Variants in PREX2 observed in about 807,000 individuals in gnomAD.
PREX2 encodes the protein phosphatidylinositol 3,4,5-trisphosphate-dependent Rac exchanger 2 protein.
Under a neutral mutation model 203.2 loss-of-function variants are expected in PREX2, and 107 were observed. The ratio of observed to expected loss-of-function variants is 0.53; its 90% confidence interval spans 0.45 to 0.62. The LOEUF (loss-of-function observed/expected upper bound fraction) is 0.62. PREX2 is among the 20% of genes least tolerant of loss of function. PREX2 has a pLI of 0.00. For synonymous variants in PREX2, 672 were observed against 663.6 expected (o/e 1.01, Z -0.19); for missense variants, 1,777 against 1,955.9 (o/e 0.91, Z 1.72).
At chr8:68,014,606 C>T (rs1254559228) in intron 1 of PREX2, among the ~76,000 whole-genome samples, 1 of 152,150 alleles carries the variant, frequency 6.6e-6, no homozygotes, top group Non-Finnish European at 1.5e-5. Context: ...GAGGCACGTC[C>T]TCTGCGGGGT....
At chr8:68,150,209 TG>T (rs1811406082) in intron 34 of PREX2, among the ~76,000 whole-genome samples, 1 of 152,200 alleles carries the variant, frequency 6.6e-6, no homozygotes. Context: ...CATGTCTTTG[TG>T]TAGGGACTGG....
chr8:67,986,404 C>A (rs1806425825), intron 1 of PREX2, among the ~76,000 whole-genome samples: 1 of 151,952 alleles, frequency 6.6e-6, no homozygotes, highest in Non-Finnish European at 1.5e-5. Flanking sequence ...CCTGGGCATG[C>A]CGGGAGCGTA....
intron 15 of PREX2, among the ~76,000 whole-genome samples, chr8:68,079,951 T>C (rs1389439002): frequency 6.6e-6 from 1 of 151,704 alleles, no homozygotes; most frequent in Non-Finnish European, 1.5e-5. Flanking sequence ...GTTTGAAGTA[T>C]TGGAACAAAA....
At chr8:67,960,859 G>A (rs139675831) in intron 1 of PREX2, among the ~76,000 whole-genome samples, 72 of 151,780 alleles carry the variant, frequency 4.7e-4, no homozygotes, top group African/African-American at 1.7e-3. Context: ...GTGGATGTAT[G>A]ATAGGCTTTG....
chr8:68,190,388 A>G (rs1812267730), intron 35 of PREX2, among the ~76,000 whole-genome samples: 1 of 152,112 alleles, frequency 6.6e-6, no homozygotes, highest in Non-Finnish European at 1.5e-5. Context: ...AATGCTCAAA[A>G]CGGCATAATA....
intron 32 of PREX2, among the ~76,000 whole-genome samples, chr8:68,136,543 A>G (rs951881449): frequency 6.6e-6 from 1 of 152,164 alleles, no homozygotes; most frequent in African/African-American, 2.4e-5. Flanking sequence ...TGTAGCTCTC[A>G]AAGGCCACAC....
intron 1 of PREX2, among the ~76,000 whole-genome samples, chr8:67,985,609 G>C (rs1380645852): frequency 6.6e-6 from 1 of 152,092 alleles, no homozygotes; most frequent in Non-Finnish European, 1.5e-5. Context: ...TTTCTTCTGG[G>C]ACACCAAGCT....
rs201064899 is a variant in PREX2, at chr8:68,236,396, C to G, written c.*5018C>G. 4.6e-5 allele frequency: 7 copies of G among 152,268 alleles called. No homozygotes were observed. The East Asian group carries it at 1.3e-3, about 29-fold the overall frequency. The allele number at this position is 152,268 out of a possible 1,614,324, so 9.4% of individuals were successfully genotyped here. The stretch of plus-strand genomic sequence containing the variant: ...TTTGTGCAAGGCACAGCTGTTGGGG[C>G]TGGTATATGTGTGGACATGTTTGAT... On this transcript the variant is annotated 3_prime_UTR_variant, in exon 40 of 40. Coordinates refer to ENST00000288368, the MANE Select transcript of PREX2 (RefSeq NM_024870.4).
chr8:68,219,034 G>T (rs2129615354), intron 38 of PREX2, among the ~76,000 whole-genome samples: 1 of 152,268 alleles, frequency 6.6e-6, no homozygotes, highest in South Asian at 2.1e-4. Context: ...TGAGATTTAG[G>T]TTGCTAAGAA....
chr8:68,063,409 T>C (rs758360851), intron 11 of PREX2, among the ~76,000 whole-genome samples: 1 of 152,012 alleles, frequency 6.6e-6, no homozygotes, highest in Non-Finnish European at 1.5e-5. Context: ...GTACAGGCTA[T>C]TAAAAAAACA....
At chr8:68,165,995 G>T (rs1811754441) in intron 35 of PREX2, among the ~76,000 whole-genome samples, 1 of 152,214 alleles carries the variant, frequency 6.6e-6, no homozygotes, top group African/African-American at 2.4e-5. Context: ...GACCACTGGT[G>T]CCTAACTGGC....
chr8:68,057,862 T>A (rs1289741418), intron 10 of PREX2, among the ~76,000 whole-genome samples: 1 of 152,206 alleles, frequency 6.6e-6, no homozygotes, highest in Non-Finnish European at 1.5e-5. Flanking sequence ...ATAGCTATTA[T>A]AGAAAGTTAG....
At chr8:68,081,420 T>C (rs1809520041) in intron 17 of PREX2, among the ~76,000 whole-genome samples, 1 of 151,926 alleles carries the variant, frequency 6.6e-6, no homozygotes, top group Non-Finnish European at 1.5e-5. Flanking sequence ...TGTCCTAGAG[T>C]CCTTCAACTG....
At chr8:67,982,159 G>A (rs1053133473) in intron 1 of PREX2, among the ~76,000 whole-genome samples, 15 of 152,106 alleles carry the variant, frequency 9.9e-5, no homozygotes, top group East Asian at 1.9e-4. Flanking sequence ...CTCTGCATGC[G>A]GTGGCTCACA....
intron 1 of PREX2, among the ~76,000 whole-genome samples, chr8:67,989,034 G>A (rs534009160): frequency 6.6e-6 from 1 of 152,240 alleles, no homozygotes; most frequent in African/African-American, 2.4e-5. Context: ...GGGGACATGA[G>A]TACCTGCTGT....
intron 26 of PREX2, 24 bp downstream of exon 26, chr8:68,115,956 C>G: frequency 1.3e-6 from 2 of 1,543,246 alleles, no homozygotes; most frequent in Non-Finnish European, 1.7e-6. Context: ...TCCTCAAACT[C>G]ATTTTCTTAA....
chr8:68,146,635 T>C (rs1409695465), intron 34 of PREX2, among the ~76,000 whole-genome samples: 4 of 152,176 alleles, frequency 2.6e-5, no homozygotes, highest in Admixed American at 6.5e-5. Flanking sequence ...AGTTAAATTA[T>C]GGTAAAATCA....
chr8:68,030,593 G>A lies in PREX2; in HGVS notation c.640G>A (p.Ala214Thr), dbSNP rs1051281432. 6.2e-7 allele frequency: 1 copy of A among 1,613,710 alleles called. No individual in the cohort carries two copies. Among genetic ancestry groups the A allele is most frequent in the Non-Finnish European group, 8.5e-7 (1 of 1,179,714 alleles). The change falls in exon 6 of 40, where the codon GCC becomes ACC. Residue 214 changes from alanine to threonine, a missense_variant. By Grantham distance (58) the Ala-to-Thr change is moderately conservative (BLOSUM62 0). Transcript: ENST00000288368. ...AGCTGTCTGTTCCAACATAAACGAGGCCAAGAGACAGATGGAGAAGTTAGA... is the reference window on the plus strand; with the variant it reads ...AGCTGTCTGTTCCAACATAAACGAGACCAAGAGACAGATGGAGAAGTTAGA... ...MKAVCSNINE[A>T]KRQMEKLEVL...
chr8:67,957,842 C>G (rs775156259), intron 1 of PREX2, among the ~76,000 whole-genome samples: 2 of 152,278 alleles, frequency 1.3e-5, no homozygotes, highest in Non-Finnish European at 1.5e-5. Context: ...ATCCCCAATA[C>G]TTAAGAATAG....
Sources: gnomAD v4.1 joint callset for allele counts (sites outside exome capture counted in the v4.1 genomes callset) on GRCh38, gnomAD v4.1.1 for gene constraint, MANE v1.5 for transcripts, NCBI Gene and HGNC (gene_info 2026-07-23, HGNC 2026-07-21) for gene names.